The following GALNT7 variants were observed in gnomAD, a reference collection of about 807,000 sequenced individuals.
GALNT7 encodes the protein N-acetylgalactosaminyltransferase 7.
A neutral mutation model predicts 82.1 loss-of-function variants in GALNT7; 60 were observed. The ratio of observed to expected loss-of-function variants is 0.73; its 90% CI spans 0.59 to 0.91. GALNT7 has a LOEUF of 0.91. Among genes scored for constraint, GALNT7 ranks in the 40% least tolerant of loss-of-function variants. GALNT7 has a pLI of 0.00. For synonymous variants in GALNT7, 243 were observed against 275.1 expected, an observed-to-expected ratio of 0.88 and a Z score of 1.15; for missense variants, 660 against 804.2, an observed-to-expected ratio of 0.82 and a Z score of 2.17.
chr4:173,262,799 A>G (rs575026670), intron 2 of GALNT7, among the ~76,000 whole-genome samples: 24 of 152,346 alleles, frequency 1.6e-4, no homozygotes, highest in South Asian at 6.2e-4. Flanking sequence ...TCTTTCATGC[A>G]TACTTCCCAT....
chr4:173,205,160 G>C (rs1432797309), intron 1 of GALNT7, among the ~76,000 whole-genome samples: 1 of 152,128 alleles, frequency 6.6e-6, no homozygotes, highest in Admixed American at 6.5e-5. Context: ...TGTAAGGGTA[G>C]GTCTGGAGCC....
chr4:173,241,209 TAA>T (rs749363253), intron 1 of GALNT7, among the ~76,000 whole-genome samples: 4 of 60,180 alleles, frequency 6.6e-5, no homozygotes, highest in Admixed American at 1.3e-4. Flanking sequence ...CATCTCTATT[TAA>T]AAAAAAAAAA....
At chr4:173,264,549 G>C (rs1161457382) in intron 2 of GALNT7, among the ~76,000 whole-genome samples, 1 of 152,102 alleles carries the variant, frequency 6.6e-6, no homozygotes, top group African/African-American at 2.4e-5. Flanking sequence ...TTTCTAACTT[G>C]TTTTAACCAC....
rs753054112 is a variant in GALNT7 at position 173,322,351 on chromosome 4, T to C, written c.*634T>C. The C allele has an allele frequency of 2.0e-5, 3 of 152,708 alleles. No homozygotes were observed. The highest frequency in any genetic ancestry group is 2.0e-4 in the Admixed American group (3 of 15,284). The allele number at this position is 152,708 out of a possible 1,614,324, so 9.5% of individuals were successfully genotyped here. ...TTGTCACCTGTATGGGGAATACTTT[T>C]ACTACTCAGAAATGAATTTATGTGC... On this transcript the variant is annotated 3_prime_UTR_variant, in exon 12 of 12. Coordinates refer to ENST00000265000, the MANE Select transcript of GALNT7 (RefSeq NM_017423.3).
intron 3 of GALNT7, among the ~76,000 whole-genome samples, chr4:173,293,999 A>G (rs1020886712): frequency 2.6e-5 from 4 of 152,218 alleles, no homozygotes; most frequent in African/African-American, 9.6e-5. Flanking sequence ...GATAATTTTC[A>G]TCCGAGGAAG....
At chr4:173,223,207 C>T (rs1378477555) in intron 1 of GALNT7, among the ~76,000 whole-genome samples, 2 of 152,166 alleles carry the variant, frequency 1.3e-5, no homozygotes, top group Non-Finnish European at 2.9e-5. Context: ...AGTCAGATCA[C>T]ACAGTCTATT....
chr4:173,195,887 C>T (rs1021456891), intron 1 of GALNT7, among the ~76,000 whole-genome samples: 1 of 152,134 alleles, frequency 6.6e-6, no homozygotes, highest in Non-Finnish European at 1.5e-5. Flanking sequence ...CAATTTAAAA[C>T]CTAAAACTAA....
intron 2 of GALNT7, among the ~76,000 whole-genome samples, chr4:173,249,711 G>C (rs1287928348): frequency 6.6e-6 from 1 of 152,096 alleles, no homozygotes; most frequent in African/African-American, 2.4e-5. Context: ...TATTGCATGG[G>C]ACATACTTAA....
chr4:173,298,557 T>C (rs1232113269), intron 6 of GALNT7, among the ~76,000 whole-genome samples: 3 of 152,218 alleles, frequency 2.0e-5, no homozygotes, highest in African/African-American at 7.2e-5. Context: ...ATGGCATTTG[T>C]TCCACGTACA....
At chr4:173,178,052 T>TGTGTGCGCGCGCGCGCGCGCGCGC (rs563102408) in intron 1 of GALNT7, among the ~76,000 whole-genome samples, 3 of 129,510 alleles carry the variant, frequency 2.3e-5, no homozygotes, top group African/African-American at 9.2e-5. Flanking sequence ...TGTGTGTGTG[T>TGTGTGCGCGCGCGCGCGCGCGCGC]GCGCGCACGC....
chr4:173,176,644 T>C (rs1293677704), intron 1 of GALNT7, among the ~76,000 whole-genome samples: 1 of 152,086 alleles, frequency 6.6e-6, no homozygotes. Flanking sequence ...GAAAGGAGCA[T>C]CTAGTGTATG....
chr4:173,295,564 G>T (rs772221239), intron 4 of GALNT7, 38 bp downstream of exon 4: 2 of 1,596,172 alleles, frequency 1.3e-6, no homozygotes, highest in South Asian at 2.2e-5. Context: ...CAACATTTTG[G>T]GTTTGGTAAC....
chr4:173,174,864 G>A (rs975902041), intron 1 of GALNT7, among the ~76,000 whole-genome samples: 29 of 152,202 alleles, frequency 1.9e-4, no homozygotes, highest in African/African-American at 6.5e-4. Context: ...GAAAACTTTT[G>A]AACAGCAGTC....
chr4:173,274,207 G>A (rs903940612), intron 2 of GALNT7, among the ~76,000 whole-genome samples: 6 of 151,934 alleles, frequency 3.9e-5, no homozygotes, highest in Non-Finnish European at 8.8e-5. Context: ...ATCATTAACT[G>A]GATACATCTG....
chr4:173,172,752 G>C (rs938902310), intron 1 of GALNT7, among the ~76,000 whole-genome samples: 6 of 152,198 alleles, frequency 3.9e-5, no homozygotes, highest in African/African-American at 1.4e-4. Context: ...TGAGGCAGGA[G>C]GTAGCATGAG....
chr4:173,304,024 T>G lies in GALNT7; in HGVS notation c.1295T>G (p.Phe432Cys), dbSNP rs758594665. The change falls in exon 8 of 12, where the codon TTT (phenylalanine) becomes TGT (cysteine). Residue 432 changes from phenylalanine to cysteine, a missense_variant. Transcript: ENST00000265000. The part of the protein sequence containing the change: ...KIWQCGGKLL[F>C]VPCSRVGHIY... ...TGGCAGTGTGGTGGCAAATTATTAT[T>G]TGTTCCTTGTTCTCGTGTTGGACAT... 1 of 1,611,946 alleles carries G rather than the reference T, an allele frequency of 6.2e-7. No individual in the cohort carries two copies. Among genetic ancestry groups the G allele is most frequent in the Non-Finnish European group, 8.5e-7 (1 of 1,178,556 alleles).
intron 1 of GALNT7, among the ~76,000 whole-genome samples, chr4:173,222,281 A>T (rs1733670965): frequency 1.3e-5 from 2 of 151,996 alleles, no homozygotes; most frequent in East Asian, 1.9e-4. Flanking sequence ...TTTTATTATT[A>T]TTATTTTTTG....
intron 2 of GALNT7, among the ~76,000 whole-genome samples, chr4:173,252,684 C>T (rs1160919187): frequency 1.3e-5 from 2 of 152,196 alleles, no homozygotes; most frequent in Non-Finnish European, 2.9e-5. Flanking sequence ...CCTGCCTTCA[C>T]ACTTTTTTCT....
chr4:173,288,453 A>G (rs958696752), intron 2 of GALNT7, among the ~76,000 whole-genome samples: 2 of 152,080 alleles, frequency 1.3e-5, no homozygotes. Context: ...ACAAACAGCC[A>G]GCAAGACTCC....
Sources: allele counts gnomAD v4.1 joint callset (sites outside exome capture counted in the v4.1 genomes callset), GRCh38; gene constraint gnomAD v4.1.1; transcripts MANE v1.5; gene names NCBI Gene and HGNC (gene_info 2026-07-23, HGNC 2026-07-21).